TDRD3: variants seen among roughly 807,000 people sequenced by gnomAD.
TDRD3 encodes the protein tudor domain containing 3, also known as tudor domain-containing protein 3.
In TDRD3, 45 loss-of-function variants were observed where a neutral mutation model predicts 86.7. The observed-to-expected ratio is 0.52, with a 90% confidence interval of 0.41 to 0.67. TDRD3 has a LOEUF of 0.67. TDRD3 is among the 30% of genes least tolerant of loss of function. The pLI is 0.00. For missense variants in TDRD3, 814 were observed against 889.0 expected (o/e 0.92, Z 1.07); for synonymous variants, 298 against 301.7 (o/e 0.99, Z 0.13).
At chr13:60,433,794 A>C (rs758178598) in intron 1 of TDRD3, among the ~76,000 whole-genome samples, 1 of 152,200 alleles carries the variant, frequency 6.6e-6, no homozygotes, top group Non-Finnish European at 1.5e-5. Context: ...TAGCTCAGTC[A>C]GCTGATGTGT....
Position 60,483,771 on chromosome 13 carries a change from G to A in TDRD3, c.496-4G>A, listed in dbSNP as rs765384369. The A allele has an allele frequency of 3.8e-5, 61 of 1,599,932 alleles. No homozygotes were observed. Among genetic ancestry groups the A allele is most frequent in the South Asian group, 2.7e-4 (24 of 88,736 alleles). ...GCTCTTTTGTGACTGGATTTTTTCC[G>A]CAGAGCTTATCAAAACACAATAGAA... On this transcript the variant is annotated splice_polypyrimidine_tract_variant and splice_region_variant and intron_variant, in intron 5 of 13. Transcript: ENST00000377881.
chr13:60,428,181 C>T (rs901945666), intron 1 of TDRD3, among the ~76,000 whole-genome samples: 2 of 150,652 alleles, frequency 1.3e-5, no homozygotes, highest in South Asian at 2.1e-4. Context: ...CTCCCTCTGC[C>T]TCTCTCCTAT....
chr13:60,528,327 C>A, intron 10 of TDRD3, 40 bp from the exon 11 acceptor site: 1 of 1,533,350 alleles, frequency 6.5e-7, no homozygotes, highest in South Asian at 1.3e-5. Context: ...AATGCAGAGT[C>A]TTCATCTTAA....
chr13:60,456,994 C>T (rs1955690549), intron 3 of TDRD3, among the ~76,000 whole-genome samples: 1 of 152,086 alleles, frequency 6.6e-6, no homozygotes, highest in African/African-American at 2.4e-5. Flanking sequence ...CCGCACCCAG[C>T]CTTAAGATGA....
Position 60,529,083 on chromosome 13 carries a change from T to C in TDRD3, c.1858T>C (p.Tyr620His). Residue 620 changes from tyrosine (Y) to histidine (H), a missense_variant, in exon 11 of 14, where the codon TAC (tyrosine) becomes CAC (histidine). Tyr to His is a moderately conservative substitution (Grantham distance 83, BLOSUM62 2). Coordinates refer to ENST00000377881, the MANE Select transcript of TDRD3 (RefSeq NM_001146070.2). Reference sequence around the variant, plus strand: ...TGTACCCTGTGATGATAAAATATTTTACAATAGTGGGCCCAAACGAAGATC... The same window carrying C: ...TGTACCCTGTGATGATAAAATATTTCACAATAGTGGGCCCAAACGAAGATC... ...TAVPCDDKIF[Y>H]NSGPKRRSGP... is the part of the protein sequence containing the mutation. 1 of 1,614,058 alleles carries C rather than the reference T, an allele frequency of 6.2e-7. No homozygotes were observed. The highest frequency in any genetic ancestry group is 8.5e-7 in the Non-Finnish European group (1 of 1,179,946).
At chr13:60,410,551 C>T (rs1954338788) in intron 1 of TDRD3, among the ~76,000 whole-genome samples, 1 of 152,166 alleles carries the variant, frequency 6.6e-6, no homozygotes, top group Admixed American at 6.5e-5. Flanking sequence ...GCTGAGAGTG[C>T]AAGTTGATAT....
intron 1 of TDRD3, among the ~76,000 whole-genome samples, chr13:60,407,626 T>C (rs1417493943): frequency 6.6e-6 from 1 of 152,208 alleles, no homozygotes; most frequent in Non-Finnish European, 1.5e-5. Flanking sequence ...GTTTGAAATA[T>C]GTTGATAACA....
chr13:60,483,638 A>G (rs1956364040), intron 5 of TDRD3, 137 bp from the exon 6 acceptor site: 5 of 662,144 alleles, frequency 7.6e-6, no homozygotes, highest in Non-Finnish European at 1.2e-5. Context: ...GTGGTTTGAA[A>G]TACTTCATGG....
At chr13:60,525,415 C>T (rs1260540905) in intron 10 of TDRD3, among the ~76,000 whole-genome samples, 6 of 151,722 alleles carry the variant, frequency 4.0e-5, no homozygotes, top group African/African-American at 1.5e-4. Context: ...CTCAGGTGAT[C>T]CACCTGCTTT....
chr13:60,440,630 G>A (rs1955240701), intron 2 of TDRD3, among the ~76,000 whole-genome samples: 1 of 151,904 alleles, frequency 6.6e-6, no homozygotes, highest in Admixed American at 6.6e-5. Context: ...GCAGTGAGCC[G>A]AGATCATGCC....
At chr13:60,533,271 C>G (rs569719743) in intron 11 of TDRD3, among the ~76,000 whole-genome samples, 54 of 152,250 alleles carry the variant, frequency 3.5e-4, no homozygotes, top group African/African-American at 1.3e-3. Context: ...GAGGGTAACT[C>G]ATTTTTTAGA....
At chr13:60,399,204 T>TG (rs770146747) in intron 1 of TDRD3, among the ~76,000 whole-genome samples, 2 of 152,218 alleles carry the variant, frequency 1.3e-5, no homozygotes, top group East Asian at 3.8e-4. Flanking sequence ...GGAATGCCCC[T>TG]GCCAGTCAGA....
intron 1 of TDRD3, among the ~76,000 whole-genome samples, chr13:60,401,240 AAT>A (rs1382465437): frequency 6.1e-4 from 93 of 152,212 alleles, no homozygotes; most frequent in African/African-American, 2.0e-3. Flanking sequence ...TATTTGGAAA[AAT>A]AAAAAAAAAT....
chr13:60,460,825 T>G (rs1041602266), intron 4 of TDRD3: 5 of 184,334 alleles, frequency 2.7e-5, no homozygotes, highest in African/African-American at 4.7e-5. Context: ...ACCAATGTGG[T>G]GAAACCCTGT....
intron 6 of TDRD3, among the ~76,000 whole-genome samples, chr13:60,485,087 G>T (rs376412425): frequency 5.3e-5 from 8 of 152,012 alleles, no homozygotes; most frequent in African/African-American, 1.9e-4. Context: ...GTATTTATTG[G>T]TGTCAATATG....
intron 8 of TDRD3, among the ~76,000 whole-genome samples, chr13:60,499,653 A>G (rs1595027979): frequency 6.6e-6 from 1 of 152,348 alleles, no homozygotes; most frequent in South Asian, 2.1e-4. Flanking sequence ...TTTGCATGCC[A>G]GAGGATGGGA....
intron 8 of TDRD3, among the ~76,000 whole-genome samples, chr13:60,503,468 A>G (rs553443238): frequency 2.6e-5 from 4 of 152,344 alleles, no homozygotes; most frequent in African/African-American, 7.2e-5. Flanking sequence ...CGACTTTTAG[A>G]AATTCCATAC....
At chr13:60,457,997 G>A (rs1445001863) in intron 3 of TDRD3, among the ~76,000 whole-genome samples, 4 of 152,076 alleles carry the variant, frequency 2.6e-5, no homozygotes, top group Non-Finnish European at 4.4e-5. Flanking sequence ...TCCCAAACGA[G>A]GTCATATTTA....
In TDRD3 at chr13:60,460,447, A is replaced by C; in HGVS notation, c.260A>C (p.Glu87Ala). 1 of 1,603,680 alleles carries C rather than the reference A, an allele frequency of 6.2e-7. No individual in the cohort carries two copies. The highest frequency in any genetic ancestry group is 8.5e-7 in the Non-Finnish European group (1 of 1,177,278). Residue 87 changes from glutamate (E) to alanine (A), a missense_variant, in exon 4 of 14, where the codon GAA (glutamate) becomes GCA (alanine). Glu to Ala is a moderately radical substitution (Grantham distance 107). Transcript: ENST00000377881. ...RNVAAPKDNE[E>A]SQAAPRMLRL... ...GTTGCTGCACCAAAGGATAATGAAG[A>C]ATCTCAGGCTGCACCAAGGATGCTG...
Sources: gnomAD v4.1 joint callset for allele counts (sites outside exome capture counted in the v4.1 genomes callset) on GRCh38, gnomAD v4.1.1 for gene constraint, MANE v1.5 for transcripts, NCBI Gene and HGNC (gene_info 2026-07-23, HGNC 2026-07-21) for gene names.